Variants in ANKS1B observed in about 807,000 individuals in gnomAD.
ANKS1B encodes the protein ankyrin repeat and sterile alpha motif domain containing 1B.
ANKS1B carries 36 observed loss-of-function variants against 148.3 expected under a neutral mutation model. That is an observed-to-expected ratio of 0.24 (90% CI 0.19 to 0.32). ANKS1B has a LOEUF of 0.32. Ranked by LOEUF, ANKS1B falls within the 10% of genes least tolerant of loss-of-function variation. The pLI, the probability that ANKS1B is intolerant of heterozygous loss-of-function variation, is 1.00. For missense variants in ANKS1B, 1,157 were observed against 1,542.6 expected, an observed-to-expected ratio of 0.75 and a Z score of 4.19; for synonymous variants, 542 against 560.8, an observed-to-expected ratio of 0.97 and a Z score of 0.47.
intron 12 of ANKS1B, among the ~76,000 whole-genome samples, chr12:99,289,165 G>A (rs1263238063): frequency 6.6e-6 from 1 of 151,964 alleles, no homozygotes; most frequent in Non-Finnish European, 1.5e-5. Flanking sequence ...ACTACAAAAA[G>A]TGATAAAAGG....
chr12:99,219,203 A>C (rs2084703955), intron 14 of ANKS1B, among the ~76,000 whole-genome samples: 2 of 152,112 alleles, frequency 1.3e-5, no homozygotes, highest in African/African-American at 4.8e-5. Flanking sequence ...ATTGGCTCCT[A>C]ACCTCCCTTT....
chr12:99,239,777 A>T (rs1261202950), intron 14 of ANKS1B, among the ~76,000 whole-genome samples: 4 of 152,240 alleles, frequency 2.6e-5, no homozygotes, highest in African/African-American at 9.6e-5. Context: ...ATTCTTAAAG[A>T]AAAGAATTTT....
intron 15 of ANKS1B, among the ~76,000 whole-genome samples, chr12:99,119,145 G>A (rs57542525): frequency 2.8e-4 from 43 of 152,224 alleles, no homozygotes; most frequent in African/African-American, 1.0e-3. Flanking sequence ...TGGATTATCT[G>A]GATGGGCCCT....
intron 8 of ANKS1B, among the ~76,000 whole-genome samples, chr12:99,737,278 A>G (rs1020836939): frequency 6.6e-6 from 1 of 152,140 alleles, no homozygotes; most frequent in African/African-American, 2.4e-5. Flanking sequence ...AAGACATGGA[A>G]TCAACTTAAG....
In ANKS1B at chr12:99,359,670, C is replaced by T. The variant is rs895785194; in HGVS notation, c.1756+39961G>A. Among the ~76,000 whole-genome samples, 12 of 151,972 alleles carry T rather than the reference C, an allele frequency of 7.9e-5. No individual in the cohort carries two copies. In the South Asian group the frequency reaches 1.5e-3, roughly 18 times the overall value. Reference sequence around the variant, plus strand: ...CATAGGTACCACTCACCTCGTGTAACGGGGAATGCAAAATATGATGTCATT... The same window carrying T: ...CATAGGTACCACTCACCTCGTGTAATGGGGAATGCAAAATATGATGTCATT... On this transcript the variant is annotated intron_variant, in intron 12 of 26. Coordinates refer to ENST00000683438, the MANE Select transcript of ANKS1B (RefSeq NM_001352186.2).
chr12:99,158,861 G>T (rs1439697000), intron 14 of ANKS1B, among the ~76,000 whole-genome samples: 1 of 152,098 alleles, frequency 6.6e-6, no homozygotes. Context: ...AAGCGGCATG[G>T]GATCTCATCA....
intron 17 of ANKS1B, among the ~76,000 whole-genome samples, chr12:99,013,966 C>T (rs76300322): frequency 9.4e-4 from 143 of 152,254 alleles, no homozygotes; most frequent in Admixed American, 3.4e-3. Context: ...AGACTCAATA[C>T]TATTCCTATC....
chr12:98,916,440 A>G (rs1385072914), intron 17 of ANKS1B, among the ~76,000 whole-genome samples: 1 of 152,242 alleles, frequency 6.6e-6, no homozygotes, highest in East Asian at 1.9e-4. Context: ...CCACACAGGA[A>G]GAAAGGATTG....
At chr12:99,971,606 C>CA (rs200612388) in intron 1 of ANKS1B, among the ~76,000 whole-genome samples, 7,386 of 109,028 alleles carry the variant, frequency 0.068, 540 homozygotes, top group East Asian at 0.41. Context: ...TAATTCAGGC[C>CA]AAAAAAAAAA....
intron 9 of ANKS1B, among the ~76,000 whole-genome samples, chr12:99,576,127 C>A (rs1477179624): frequency 1.3e-5 from 2 of 151,938 alleles, no homozygotes; most frequent in Non-Finnish European, 2.9e-5. Context: ...AGATTTTAAA[C>A]CAACAATGAT....
At chr12:99,539,472 C>G (rs2097104568) in intron 9 of ANKS1B, among the ~76,000 whole-genome samples, 1 of 151,504 alleles carries the variant, frequency 6.6e-6, no homozygotes, top group East Asian at 1.9e-4. Flanking sequence ...AGAATACCAA[C>G]TAAAAAATAA....
At chr12:98,897,792 A>G (rs2099766839) in intron 17 of ANKS1B, among the ~76,000 whole-genome samples, 2 of 152,242 alleles carry the variant, frequency 1.3e-5, no homozygotes, top group Admixed American at 1.3e-4. Flanking sequence ...CACTATTCAC[A>G]GTAGAAAAGA....
chr12:98,845,979 T>TATACACAC (rs370978686), intron 17 of ANKS1B, among the ~76,000 whole-genome samples: 2 of 120,576 alleles, frequency 1.7e-5, no homozygotes, highest in African/African-American at 5.7e-5. Context: ...TATATATATA[T>TATACACAC]ACACACACAC....
At chr12:99,469,323 G>C (rs559033684) in intron 10 of ANKS1B, among the ~76,000 whole-genome samples, 1 of 150,810 alleles carries the variant, frequency 6.6e-6, no homozygotes, top group South Asian at 2.1e-4. Context: ...ATAGCATTGG[G>C]AGATATACCT....
chr12:99,236,916 A>G (rs1479901170), intron 14 of ANKS1B, among the ~76,000 whole-genome samples: 4 of 152,128 alleles, frequency 2.6e-5, no homozygotes, highest in African/African-American at 9.7e-5. Context: ...ACATGGACAC[A>G]CAGAGGGGAA....
chr12:99,820,967 G>A (rs752952615), intron 2 of ANKS1B, among the ~76,000 whole-genome samples: 1 of 151,912 alleles, frequency 6.6e-6, no homozygotes, highest in Admixed American at 6.6e-5. Context: ...GAGCTGAGGG[G>A]TGTCAGGTAG....
At chr12:99,884,875 G>C (rs1236897705) in intron 1 of ANKS1B, among the ~76,000 whole-genome samples, 1 of 151,592 alleles carries the variant, frequency 6.6e-6, no homozygotes, top group Non-Finnish European at 1.5e-5. Context: ...ACCAAAAACA[G>C]TAAATTTTAT....
intron 15 of ANKS1B, among the ~76,000 whole-genome samples, chr12:99,099,529 T>G (rs1566064369): frequency 3.3e-5 from 5 of 152,202 alleles, no homozygotes; most frequent in African/African-American, 1.2e-4. Flanking sequence ...AAGTGTCTTG[T>G]GCCTTGGAAT....
intron 17 of ANKS1B, among the ~76,000 whole-genome samples, chr12:98,957,338 T>C (rs866329968): frequency 2.3e-4 from 34 of 148,798 alleles, no homozygotes; most frequent in Middle Eastern, 3.5e-3. Context: ...TATTTATTTA[T>C]TTATTTATTT....
Sources: gnomAD v4.1 joint callset for allele counts (sites outside exome capture counted in the v4.1 genomes callset) on GRCh38, gnomAD v4.1.1 for gene constraint, MANE v1.5 for transcripts, NCBI Gene and HGNC (gene_info 2026-07-23, HGNC 2026-07-21) for gene names.